The following ARAP2 variants were observed in gnomAD, a reference collection of about 807,000 sequenced individuals.
ARAP2 encodes the protein arf-GAP with Rho-GAP domain, ANK repeat and PH domain-containing protein 2.
ARAP2 carries 148 observed loss-of-function variants against 194.5 expected under a neutral mutation model. The ratio of observed to expected loss-of-function variants is 0.76; its 90% CI spans 0.67 to 0.87. The LOEUF (loss-of-function observed/expected upper bound fraction) is 0.87. ARAP2 is among the 40% of genes least tolerant of loss of function. The probability of loss-of-function intolerance (pLI) is 0.00; values close to 1 mark genes in which losing one functional copy is unlikely to be tolerated. For missense variants in ARAP2, 2,128 were observed against 1,989.7 expected (o/e 1.07, Z -1.32); for synonymous variants, 695 against 683.5 (o/e 1.02, Z -0.26).
chr4:36,028,920 C>T (rs895910847), intron 5 of ARAP2, among the ~76,000 whole-genome samples: 1 of 151,624 alleles, frequency 6.6e-6, no homozygotes, highest in Non-Finnish European at 1.5e-5. Flanking sequence ...ATGGTTAATT[C>T]CAGTTTTGTT....
rs1241162079 is a variant in ARAP2, at chr4:36,043,837, AGGGGAGGGGGGAGGGGAGGG to A, written n.607+2122_607+2141del. Among the ~76,000 whole-genome samples, 288 of 53,730 alleles carry A rather than the reference AGGGGAGGGGGGAGGGGAGGG, an allele frequency of 5.4e-3. 2 individuals are homozygous for A. Among genetic ancestry groups the A allele is most frequent in the Non-Finnish European group, 6.1e-3 (172 of 28,150 alleles). 35.2% of individuals were successfully genotyped at this position (53,730 alleles called of 152,430 possible). A position where few individuals can be genotyped will look rare whatever the true frequency, so the allele number is the denominator to read the frequency against. On this transcript the variant is annotated intron_variant and non_coding_transcript_variant, in intron 5 of 12. Coordinates refer to the ARAP2 transcript ENST00000503225. ...AGGGAAGGGAAGGGAAGGGGAGGGG[AGGGGAGGGGGGAGGGGAGGG>A]GGGAGGGGAAGGGAAGGGAAAAAGG...
chr4:36,193,003 G>GA (rs1207802445), intron 7 of ARAP2, among the ~76,000 whole-genome samples: 1 of 151,466 alleles, frequency 6.6e-6, no homozygotes, highest in Non-Finnish European at 1.5e-5. Flanking sequence ...CTCCAAAAAA[G>GA]AAAAAAAAGA....
chr4:36,006,211 C>T lies in ARAP2; in HGVS notation n.1469+692G>A, dbSNP rs1407336098. The T allele has an allele frequency of 2.6e-5, 4 of 152,144 alleles. No homozygotes were observed. The East Asian group carries it at 5.8e-4, about 22-fold the overall frequency. The allele number at this position is 152,144 out of a possible 1,614,324, so 9.4% of individuals were successfully genotyped here. A position where few individuals can be genotyped will look rare whatever the true frequency, so the allele number is the denominator to read the frequency against. On this transcript the variant is annotated intron_variant and non_coding_transcript_variant, in intron 10 of 12. Transcript: ENST00000503225. ...CCTCTGAGAGAGGTCAGATGAATAG[C>T]TTATACAGGGGTAGGGCTACCTGAA... is the stretch of plus-strand genomic sequence containing the variant.
At chr4:36,045,966 T>C (rs550161600) in intron 5 of ARAP2, 1 of 152,264 alleles carries the variant, frequency 6.6e-6, no homozygotes, top group South Asian at 2.1e-4. Context: ...ATACAAAGCA[T>C]TGAGAAACTT....
At chr4:36,184,799 T>C (rs1740138283) in intron 8 of ARAP2, among the ~76,000 whole-genome samples, 2 of 152,164 alleles carry the variant, frequency 1.3e-5, no homozygotes, top group East Asian at 1.9e-4. Flanking sequence ...CCTTTCAGGG[T>C]GGTGGAAACC....
chr4:36,148,638 T>A, intron 16 of ARAP2, 131 bp from the exon 17 acceptor site: 6 of 677,402 alleles, frequency 8.9e-6, no homozygotes, highest in Non-Finnish European at 1.2e-5. Context: ...TCCTATTAGA[T>A]TCTGTTAATG....
At chr4:36,120,994 T>C (rs1288930630) in intron 23 of ARAP2, among the ~76,000 whole-genome samples, 185 bp downstream of exon 23, 1 of 151,728 alleles carries the variant, frequency 6.6e-6, no homozygotes, top group South Asian at 2.1e-4. Flanking sequence ...GCAACCAAAT[T>C]TAAATAATGA....
At chr4:36,241,105 A>G (rs1190861001) in intron 1 of ARAP2, among the ~76,000 whole-genome samples, 1 of 152,212 alleles carries the variant, frequency 6.6e-6, no homozygotes, top group Non-Finnish European at 1.5e-5. Flanking sequence ...AATTCTTGGG[A>G]TATCAGAGAA....
chr4:36,054,037 G>T (rs139794536), intron 2 of ARAP2, among the ~76,000 whole-genome samples: 28 of 152,336 alleles, frequency 1.8e-4, no homozygotes, highest in African/African-American at 6.5e-4. Flanking sequence ...AATGCTACAT[G>T]CTTTCAATAA....
intron 17 of ARAP2, 27 bp from the exon 18 acceptor site, chr4:36,147,773 T>C (rs1485819658): frequency 1.5e-5 from 24 of 1,550,192 alleles, no homozygotes; most frequent in Non-Finnish European, 2.0e-5. Context: ...AAAAAAGTAA[T>C]AAAGACAGTG....
At position 36,067,637 on chromosome 4, in the gene ARAP2, A is replaced by G; in HGVS notation, c.*270T>C. On this transcript the variant is annotated 3_prime_UTR_variant, in exon 33 of 33. Coordinates refer to ENST00000303965, the MANE Select transcript of ARAP2 (RefSeq NM_015230.4). ...CCACTTAACAGACAACTACTTTAAA[A>G]GGACTGACCACCTAAGTAACCCAAT... The G allele has an allele frequency of 6.9e-6, 2 of 289,634 alleles. No individual in the cohort carries two copies. The highest frequency in any genetic ancestry group is 6.6e-5 in the East Asian group (1 of 15,102). 17.9% of individuals were successfully genotyped at this position (289,634 alleles called of 1,614,324 possible).
At position 36,198,905 on chromosome 4, in the gene ARAP2, G is replaced by A. The variant is rs192123059; in HGVS notation, c.1488-5258C>T. Among the ~76,000 whole-genome samples, 570 of 152,324 alleles carry A rather than the reference G, an allele frequency of 3.7e-3. 1 individual carries two copies. Among genetic ancestry groups the A allele is most frequent in the Non-Finnish European group, 6.7e-3 (454 of 68,016 alleles). On this transcript the variant is annotated intron_variant, in intron 6 of 32. Coordinates refer to ENST00000303965, the MANE Select transcript of ARAP2 (RefSeq NM_015230.4). ...GCTTCCAGCCTCCACCAAGAGCACA[G>A]GGAGGCCTGGACTCATAGCCACAAC... is the stretch of plus-strand genomic sequence containing the variant.
chr4:36,198,586 T>G (rs1470896412), intron 6 of ARAP2, among the ~76,000 whole-genome samples: 1 of 152,130 alleles, frequency 6.6e-6, no homozygotes, highest in African/African-American at 2.4e-5. Context: ...CCCATGCTCA[T>G]CAGGACCCAA....
intron 20 of ARAP2, among the ~76,000 whole-genome samples, chr4:36,130,984 T>C (rs1023190857): frequency 6.6e-6 from 1 of 151,980 alleles, no homozygotes; most frequent in African/African-American, 2.4e-5. Context: ...AATTTACTTT[T>C]TAAAAATTAA....
intron 15 of ARAP2, among the ~76,000 whole-genome samples, chr4:36,152,793 A>G (rs1253709193): frequency 6.6e-6 from 1 of 152,256 alleles, no homozygotes; most frequent in Admixed American, 6.5e-5. Context: ...ATCAGGAAAG[A>G]ACAGTATGAG....
chr4:36,047,111 G>T (rs1469601407), intron 3 of ARAP2: 1 of 152,202 alleles, frequency 6.6e-6, no homozygotes. Context: ...CTTACGTTGT[G>T]CTATGTCTTC....
At chr4:36,043,832 AGGGG>A (rs1721318607) in intron 5 of ARAP2, among the ~76,000 whole-genome samples, 1 of 57,312 alleles carries the variant, frequency 1.7e-5, no homozygotes, top group Admixed American at 2.7e-4. Context: ...AGGGAAGGGG[AGGGG>A]AGGGGAGGGG....
chr4:36,159,610 T>C, intron 13 of ARAP2, 105 bp from the exon 14 acceptor site: 1 of 1,009,704 alleles, frequency 9.9e-7, no homozygotes, highest in Non-Finnish European at 1.3e-6. Flanking sequence ...AAGTCTGTAT[T>C]CCTTTTATCC....
chr4:36,095,904 T>C (rs909260592), intron 27 of ARAP2, among the ~76,000 whole-genome samples: 18 of 152,050 alleles, frequency 1.2e-4, no homozygotes, highest in African/African-American at 4.3e-4. Context: ...ATGACACCTA[T>C]CCGGAAGGAT....
Sources: allele counts gnomAD v4.1 joint callset (sites outside exome capture counted in the v4.1 genomes callset), GRCh38; gene constraint gnomAD v4.1.1; transcripts MANE v1.5; gene names NCBI Gene and HGNC (gene_info 2026-07-23, HGNC 2026-07-21).